Variants in RGS6 observed in about 807,000 individuals in gnomAD.
RGS6 encodes the protein regulator of G-protein signaling 6.
RGS6 carries 30 observed loss-of-function variants against 78.5 expected under a neutral mutation model. The ratio of observed to expected loss-of-function variants is 0.38; its 90% confidence interval spans 0.29 to 0.52. RGS6 has a LOEUF of 0.52. Ranked by LOEUF, RGS6 falls within the 20% of genes least tolerant of loss-of-function variation. RGS6 has a pLI of 0.85. For missense variants in RGS6, 495 were observed against 609.7 expected, an observed-to-expected ratio of 0.81 and a Z score of 1.98; for synonymous variants, 206 against 206.0, an observed-to-expected ratio of 1.00 and a Z score of 0.00.
rs550197014 is a variant in RGS6, at chr14:72,315,066, G to A, written c.85-37029G>A. ...TTATTTTTTGGTAGAAACTATTTAC[G>A]TATGAAGATCGTATTTGGATGCCTT... On this transcript the variant is annotated intron_variant, in intron 2 of 17. Coordinates refer to ENST00000553525, the MANE Select transcript of RGS6 (RefSeq NM_001204424.2). Among the ~76,000 whole-genome samples, 23 of 152,238 alleles carry A rather than the reference G, an allele frequency of 1.5e-4. No homozygotes were observed. In the East Asian group the frequency reaches 3.5e-3, roughly 23 times the overall value.
intron 2 of RGS6, among the ~76,000 whole-genome samples, chr14:72,141,635 G>C (rs1250414105): frequency 6.6e-6 from 1 of 152,126 alleles, no homozygotes; most frequent in Admixed American, 6.6e-5. Context: ...AGGCCATCCA[G>C]ACTCCTGGAC....
At chr14:72,518,618 G>A (rs943657023) in intron 15 of RGS6, 81 bp downstream of exon 15, 2 of 1,316,234 alleles carry the variant, frequency 1.5e-6, no homozygotes, top group African/African-American at 3.0e-5. Flanking sequence ...CAAGTTCAAG[G>A]CATTGTGGGT....
chr14:72,412,482 A>G (rs1002889201), intron 3 of RGS6, among the ~76,000 whole-genome samples: 6 of 151,920 alleles, frequency 3.9e-5, no homozygotes, highest in Non-Finnish European at 5.9e-5. Flanking sequence ...TCTTGGTAGC[A>G]GTCTATCCAT....
downstream of RGS6, among the ~76,000 whole-genome samples, chr14:72,570,311 C>T (rs1341860860): frequency 6.6e-6 from 1 of 152,166 alleles, no homozygotes; most frequent in Non-Finnish European, 1.5e-5. Flanking sequence ...TGAGCCTCCT[C>T]AGATTTTGGT....
At chr14:72,029,526 C>A (rs1024752459) in intron 2 of RGS6, among the ~76,000 whole-genome samples, 1 of 152,186 alleles carries the variant, frequency 6.6e-6, no homozygotes, top group Non-Finnish European at 1.5e-5. Context: ...AGAGGGCTTG[C>A]CTCTTATACA....
intron 2 of RGS6, among the ~76,000 whole-genome samples, chr14:72,260,384 A>T (rs545921204): frequency 6.6e-6 from 1 of 152,238 alleles, no homozygotes; most frequent in Non-Finnish European, 1.5e-5. Flanking sequence ...ATGAGTGATA[A>T]TTATCTAATA....
At chr14:72,119,753 A>G (rs943470709) in intron 2 of RGS6, among the ~76,000 whole-genome samples, 1 of 152,228 alleles carries the variant, frequency 6.6e-6, no homozygotes, top group African/African-American at 2.4e-5. Flanking sequence ...TATATGCACA[A>G]GGAGCTCTGA....
intron 2 of RGS6, among the ~76,000 whole-genome samples, chr14:72,109,721 A>C (rs955030596): frequency 3.9e-5 from 6 of 152,192 alleles, no homozygotes; most frequent in African/African-American, 1.4e-4. Flanking sequence ...CAGTGAATAA[A>C]TTTATATAGT....
intron 2 of RGS6, among the ~76,000 whole-genome samples, chr14:72,028,475 C>A (rs79947351): frequency 6.6e-6 from 1 of 152,374 alleles, no homozygotes; most frequent in East Asian, 1.9e-4. Flanking sequence ...ATACTAAACA[C>A]TGTGCATAGT....
At chr14:72,226,738 T>C (rs534970625) in intron 2 of RGS6, among the ~76,000 whole-genome samples, 1 of 152,372 alleles carries the variant, frequency 6.6e-6, no homozygotes, top group African/African-American at 2.4e-5. Context: ...AGTCATGCTG[T>C]GTAGCCCAGG....
At chr14:71,927,469 A>G (rs2087731140), upstream of RGS6, among the ~76,000 whole-genome samples, 1 of 152,134 alleles carries the variant, frequency 6.6e-6, no homozygotes, top group African/African-American at 2.4e-5. Context: ...ACTGTAATCA[A>G]TTTGCTTGCC....
chr14:72,558,655 T>C (rs1220131235), intron 17 of RGS6, among the ~76,000 whole-genome samples: 1 of 152,146 alleles, frequency 6.6e-6, no homozygotes, highest in Non-Finnish European at 1.5e-5. Context: ...GCCACAGAGC[T>C]GAAATGATTA....
At chr14:72,343,105 C>A (rs1427919038) in intron 2 of RGS6, among the ~76,000 whole-genome samples, 2 of 152,214 alleles carry the variant, frequency 1.3e-5, no homozygotes, top group East Asian at 3.9e-4. Context: ...TCTATTGCTG[C>A]TATAACAAAT....
chr14:72,370,831 CTTTCCTTTTCCTT>C (rs2083380538), intron 3 of RGS6, among the ~76,000 whole-genome samples: 1 of 152,164 alleles, frequency 6.6e-6, no homozygotes, highest in Non-Finnish European at 1.5e-5. Flanking sequence ...ATAAAAATAG[CTTTCCTTTTCCTT>C]TTTCCTTTTG....
intron 3 of RGS6, among the ~76,000 whole-genome samples, chr14:72,419,281 C>T (rs570995540): frequency 4.6e-5 from 7 of 152,318 alleles, no homozygotes; most frequent in African/African-American, 1.7e-4. Flanking sequence ...TACAAGTATT[C>T]GCTCATTTTA....
intron 1 of RGS6, among the ~76,000 whole-genome samples, chr14:71,958,338 G>A (rs1047913143): frequency 6.6e-6 from 1 of 152,198 alleles, no homozygotes; most frequent in Admixed American, 6.5e-5. Flanking sequence ...GTTACTTTGG[G>A]CAAGTTACCT....
the RGS6 span, among the ~76,000 whole-genome samples, chr14:72,602,638 C>G: frequency 6.6e-6 from 1 of 152,188 alleles, no homozygotes; most frequent in Non-Finnish European, 1.5e-5. Context: ...AAGGTTAGAG[C>G]CCAGTGACTT....
intron 14 of RGS6, among the ~76,000 whole-genome samples, chr14:72,517,521 C>T (rs1445684467): frequency 2.0e-5 from 3 of 152,206 alleles, no homozygotes; most frequent in Non-Finnish European, 4.4e-5. Flanking sequence ...GAGGCAAATA[C>T]GGAAGTGAGC....
At chr14:71,917,703 A>G in the RGS6 span, among the ~76,000 whole-genome samples, 1 of 152,320 alleles carries the variant, frequency 6.6e-6, no homozygotes, top group Middle Eastern at 3.4e-3. Context: ...ATTAGGAAGA[A>G]CACAGGGCTG....
Sources: gnomAD v4.1 joint callset for allele counts (sites outside exome capture counted in the v4.1 genomes callset) on GRCh38, gnomAD v4.1.1 for gene constraint, MANE v1.5 for transcripts, NCBI Gene and HGNC (gene_info 2026-07-23, HGNC 2026-07-21) for gene names.